SNTG1: variants seen among roughly 807,000 people sequenced by gnomAD.
SNTG1 encodes syntrophin gamma 1.
SNTG1 carries 39 observed loss-of-function variants against 74.7 expected under a neutral mutation model. That is an observed-to-expected ratio of 0.52 (90% CI 0.40 to 0.68). The LOEUF is 0.68. SNTG1 is among the 30% of genes least tolerant of loss of function. SNTG1 has a pLI of 0.00. For missense variants in SNTG1, 685 were observed against 609.5 expected (o/e 1.12, Z -1.30); for synonymous variants, 254 against 217.1 (o/e 1.17, Z -1.49).
intron 9 of SNTG1, among the ~76,000 whole-genome samples, chr8:50,519,104 C>T (rs1231971774): frequency 6.6e-6 from 1 of 152,178 alleles, no homozygotes; most frequent in Admixed American, 6.5e-5. Flanking sequence ...AGCTTATCCA[C>T]CACGATCAAG....
At chr8:50,790,745 TA>T (rs1443634119) in intron 18 of SNTG1, among the ~76,000 whole-genome samples, 1 of 149,698 alleles carries the variant, frequency 6.7e-6, no homozygotes, top group Non-Finnish European at 1.5e-5. Flanking sequence ...AAAATGGGTA[TA>T]AAAAGTTTAA....
chr8:50,089,309 G>A (rs1416136692), intron 1 of SNTG1, among the ~76,000 whole-genome samples: 87 of 151,608 alleles, frequency 5.7e-4, no homozygotes, highest in African/African-American at 1.5e-3. Context: ...AACCCTAGAA[G>A]AAAACCTAGG....
intron 1 of SNTG1, among the ~76,000 whole-genome samples, chr8:50,002,762 A>G (rs920684542): frequency 7.2e-5 from 11 of 152,176 alleles, no homozygotes; most frequent in Non-Finnish European, 1.2e-4. Context: ...ATACCCAAGA[A>G]AAATAAAAAC....
At chr8:50,088,707 A>T (rs888573392) in intron 1 of SNTG1, among the ~76,000 whole-genome samples, 7 of 142,520 alleles carry the variant, frequency 4.9e-5, no homozygotes, top group Admixed American at 1.5e-4. Context: ...AGGGATGTGA[A>T]GGACCTCTTC....
chr8:50,570,134 T>G (rs2094538511), intron 12 of SNTG1, among the ~76,000 whole-genome samples: 1 of 151,888 alleles, frequency 6.6e-6, no homozygotes, highest in South Asian at 2.1e-4. Flanking sequence ...TCAGCTGATT[T>G]TTATTTACCA....
intron 8 of SNTG1, among the ~76,000 whole-genome samples, chr8:50,489,160 C>A (rs1009122775): frequency 6.6e-6 from 1 of 152,200 alleles, no homozygotes; most frequent in African/African-American, 2.4e-5. Context: ...GCCACATTTT[C>A]TTTATTCAGT....
At chr8:49,921,394 T>C (rs1477769269) in intron 1 of SNTG1, among the ~76,000 whole-genome samples, 1 of 152,066 alleles carries the variant, frequency 6.6e-6, no homozygotes, top group Non-Finnish European at 1.5e-5. Context: ...CAGGGCATCC[T>C]GGAGAGAACG....
chr8:50,343,208 C>T (rs182942904), intron 2 of SNTG1, among the ~76,000 whole-genome samples: 1 of 152,246 alleles, frequency 6.6e-6, no homozygotes, highest in East Asian at 1.9e-4. Flanking sequence ...AGCTTTCAAA[C>T]CCACACTAAA....
intron 1 of SNTG1, among the ~76,000 whole-genome samples, chr8:50,063,129 T>C (rs986400940): frequency 6.6e-6 from 1 of 152,254 alleles, no homozygotes; most frequent in African/African-American, 2.4e-5. Flanking sequence ...ACACCACTAA[T>C]ACTGTGAATT....
chr8:49,928,521 G>A (rs748998230), intron 1 of SNTG1, among the ~76,000 whole-genome samples: 8 of 151,940 alleles, frequency 5.3e-5, no homozygotes, highest in Non-Finnish European at 8.8e-5. Context: ...GTGAGCCACC[G>A]CGACCGGCCA....
intron 8 of SNTG1, among the ~76,000 whole-genome samples, chr8:50,476,930 G>T (rs2093701858): frequency 6.6e-6 from 1 of 151,336 alleles, no homozygotes; most frequent in African/African-American, 2.4e-5. Flanking sequence ...GCATGTCAAA[G>T]GAGCAAAGGA....
In SNTG1 at chr8:50,013,682, G is replaced by A. The variant is rs976923014; in HGVS notation, c.-103+101451G>A. Among the ~76,000 whole-genome samples the A allele has an allele frequency of 3.9e-5, 6 of 151,910 alleles. No homozygotes were observed. In the East Asian group the frequency reaches 7.7e-4, roughly 20 times the overall value. On this transcript the variant is annotated intron_variant, in intron 1 of 18. Coordinates refer to ENST00000642720, the MANE Select transcript of SNTG1 (RefSeq NM_018967.5). ...GTGATGTGGTGATGCATATAATTACGGTAATGAGATCAGAATAATTAGCAT... is the reference window on the plus strand; with the variant it reads ...GTGATGTGGTGATGCATATAATTACAGTAATGAGATCAGAATAATTAGCAT...
At chr8:50,634,004 A>G (rs2095022210) in intron 13 of SNTG1, among the ~76,000 whole-genome samples, 1 of 152,164 alleles carries the variant, frequency 6.6e-6, no homozygotes, top group African/African-American at 2.4e-5. Context: ...ATATATTCAC[A>G]AAGTTCCCCA....
chr8:50,632,335 G>A (rs1401879042), intron 13 of SNTG1, among the ~76,000 whole-genome samples: 1 of 135,316 alleles, frequency 7.4e-6, no homozygotes, highest in South Asian at 2.3e-4. Flanking sequence ...ATTTGAGAGA[G>A]GGTCTCACTC....
chr8:50,741,174 G>A (rs562834598), intron 17 of SNTG1, among the ~76,000 whole-genome samples: 1 of 152,074 alleles, frequency 6.6e-6, no homozygotes, highest in South Asian at 2.1e-4. Context: ...ACCTAAGCTG[G>A]AGTACAGTGG....
intron 2 of SNTG1, among the ~76,000 whole-genome samples, chr8:50,377,425 G>GT (rs992612875): frequency 1.3e-5 from 2 of 151,928 alleles, no homozygotes; most frequent in African/African-American, 2.4e-5. Context: ...GTATTCTTCA[G>GT]TTTTTTGGAA....
intron 15 of SNTG1, among the ~76,000 whole-genome samples, chr8:50,678,911 G>A (rs1402948940): frequency 6.6e-6 from 1 of 151,946 alleles, no homozygotes; most frequent in African/African-American, 2.4e-5. Context: ...TATATCTAAA[G>A]ATATAGATAA....
intron 17 of SNTG1, among the ~76,000 whole-genome samples, chr8:50,716,231 A>G (rs1425748022): frequency 1.3e-5 from 2 of 152,136 alleles, no homozygotes; most frequent in Admixed American, 6.5e-5. Flanking sequence ...TTATTATTCC[A>G]TAATCTTTCA....
intron 2 of SNTG1, among the ~76,000 whole-genome samples, chr8:50,300,286 A>AGTT (rs535811242): frequency 4.5e-4 from 68 of 152,276 alleles, no homozygotes; most frequent in Non-Finnish European, 7.8e-4. Context: ...GACTTTTGTT[A>AGTT]GTTGTTAATT....
Sources: gnomAD v4.1 joint callset for allele counts (sites outside exome capture counted in the v4.1 genomes callset) on GRCh38, gnomAD v4.1.1 for gene constraint, MANE v1.5 for transcripts, NCBI Gene and HGNC (gene_info 2026-07-23, HGNC 2026-07-21) for gene names.